DPYD: variants seen among roughly 807,000 people sequenced by gnomAD.
The protein encoded by DPYD is dihydropyrimidine dehydrogenase.
DPYD carries 109 observed loss-of-function variants against 116.2 expected under a neutral mutation model. The observed-to-expected ratio is 0.94, with a 90% CI of 0.80 to 1.10. The LOEUF (loss-of-function observed/expected upper bound fraction) is 1.10. Among genes scored for constraint, DPYD ranks in the 50% least tolerant of loss-of-function variants. DPYD has a pLI of 0.00. For synonymous variants in DPYD, 440 were observed against 432.0 expected (o/e 1.02, Z -0.23); for missense variants, 1,302 against 1,254.5 (o/e 1.04, Z -0.57).
intron 6 of DPYD, among the ~76,000 whole-genome samples, chr1:97,695,733 T>C (rs1225893689): frequency 6.6e-6 from 1 of 151,732 alleles, no homozygotes; most frequent in East Asian, 1.9e-4. Flanking sequence ...AGATTTCAAG[T>C]GGAAGAGTGA....
chr1:97,238,371 T>C (rs563090173), intron 18 of DPYD, among the ~76,000 whole-genome samples: 6 of 152,270 alleles, frequency 3.9e-5, no homozygotes, highest in Admixed American at 2.0e-4. Flanking sequence ...CAAAATATAA[T>C]CTACCTGTTC....
chr1:97,286,180 G>A (rs570396628), intron 18 of DPYD, among the ~76,000 whole-genome samples: 21 of 152,028 alleles, frequency 1.4e-4, no homozygotes, highest in African/African-American at 4.6e-4. Context: ...CACTTATGAA[G>A]CTTAGTTTGG....
chr1:97,810,919 T>C (rs1668320342), intron 3 of DPYD, among the ~76,000 whole-genome samples: 2 of 152,176 alleles, frequency 1.3e-5, no homozygotes, highest in Non-Finnish European at 2.9e-5. Context: ...CCCCTACCTA[T>C]AGCTTCAACC....
At chr1:97,116,270 G>A (rs1474695301) in intron 20 of DPYD, among the ~76,000 whole-genome samples, 1 of 152,064 alleles carries the variant, frequency 6.6e-6, no homozygotes, top group Non-Finnish European at 1.5e-5. Context: ...CCTATTCAAT[G>A]AGCACACCCA....
At chr1:97,180,028 C>T (rs1657543872) in intron 20 of DPYD, among the ~76,000 whole-genome samples, 1 of 152,118 alleles carries the variant, frequency 6.6e-6, no homozygotes, top group Admixed American at 6.6e-5. Flanking sequence ...CCTATCCTTC[C>T]TAAGCTCCCA....
intron 20 of DPYD, among the ~76,000 whole-genome samples, chr1:97,174,000 A>G (rs182769547): frequency 6.6e-6 from 1 of 151,958 alleles, no homozygotes; most frequent in East Asian, 1.9e-4. Flanking sequence ...TTTCAGTTCT[A>G]TAAATGTTAT....
chr1:97,591,864 A>G (rs115637836), intron 10 of DPYD, among the ~76,000 whole-genome samples: 12,811 of 151,848 alleles, frequency 0.084, 753 homozygotes, highest in Middle Eastern at 0.14. Context: ...CCATGATTAC[A>G]CTAATTATTG....
chr1:97,296,116 T>C (rs1666509965), intron 18 of DPYD: 1 of 152,156 alleles, frequency 6.6e-6, no homozygotes, highest in Non-Finnish European at 1.5e-5. Context: ...TACAATAACA[T>C]ATACATAGAA....
intron 3 of DPYD, among the ~76,000 whole-genome samples, chr1:97,743,821 T>C (rs937216019): frequency 1.3e-5 from 2 of 152,138 alleles, no homozygotes; most frequent in African/African-American, 2.4e-5. Flanking sequence ...TTTAGTCATT[T>C]AATTCCCCTT....
intron 6 of DPYD, among the ~76,000 whole-genome samples, chr1:97,693,290 CAAAAAAAAAAAAAA>C (rs201872835): frequency 0.38 from 15,752 of 41,952 alleles, 1,252 homozygotes; most frequent in Middle Eastern, 0.44. Context: ...GACTCCGTCT[CAAAAAAAAAAAAAA>C]AAAAAAAAAA....
chr1:97,192,264 C>A (rs747792810), intron 20 of DPYD, among the ~76,000 whole-genome samples: 2 of 152,090 alleles, frequency 1.3e-5, no homozygotes, highest in African/African-American at 2.4e-5. Flanking sequence ...GTTTTCCATT[C>A]TTTTTCATGT....
intron 21 of DPYD, among the ~76,000 whole-genome samples, chr1:97,088,732 A>T (rs1018859779): frequency 6.6e-6 from 1 of 152,122 alleles, no homozygotes; most frequent in African/African-American, 2.4e-5. Context: ...TCCAGACAAG[A>T]TACACCTTTC....
intron 14 of DPYD, among the ~76,000 whole-genome samples, chr1:97,430,115 G>A (rs1219450688): frequency 6.6e-6 from 1 of 152,060 alleles, no homozygotes; most frequent in African/African-American, 2.4e-5. Context: ...TACGTTTATT[G>A]AGAATGCTAA....
chr1:97,626,075 G>A (rs1656909927), intron 8 of DPYD, among the ~76,000 whole-genome samples: 1 of 152,040 alleles, frequency 6.6e-6, no homozygotes, highest in South Asian at 2.1e-4. Context: ...AGTGAGGTCA[G>A]AGACCACTTC....
chr1:97,789,165 T>C (rs1486159259), intron 3 of DPYD, among the ~76,000 whole-genome samples: 1 of 152,152 alleles, frequency 6.6e-6, no homozygotes, highest in Non-Finnish European at 1.5e-5. Context: ...AGTACCTTCA[T>C]TCAATAATAA....
intron 18 of DPYD, among the ~76,000 whole-genome samples, chr1:97,241,061 A>C (rs79193918): frequency 0.013 from 1,978 of 152,104 alleles, 102 homozygotes; most frequent in Admixed American, 0.1. Flanking sequence ...AAAAGCTAAA[A>C]ATTTCTTCTG....
At chr1:97,515,024 T>G (rs950676266) in intron 13 of DPYD, among the ~76,000 whole-genome samples, 1 of 152,092 alleles carries the variant, frequency 6.6e-6, no homozygotes, top group African/African-American at 2.4e-5. Flanking sequence ...GTTTAGCATT[T>G]GTAATTTATC....
chr1:97,919,159 G>A (rs578163509), intron 1 of DPYD, among the ~76,000 whole-genome samples: 2 of 152,236 alleles, frequency 1.3e-5, no homozygotes, highest in African/African-American at 4.8e-5. Context: ...TTACTTTGAG[G>A]GAAAAGTAAG....
chr1:97,099,382 A>G (rs532298714), intron 20 of DPYD, among the ~76,000 whole-genome samples: 26 of 152,238 alleles, frequency 1.7e-4, no homozygotes, highest in Non-Finnish European at 2.5e-4. Flanking sequence ...TACAAAGTTC[A>G]TTTAGAAAGA....
Sources: allele counts gnomAD v4.1 joint callset (sites outside exome capture counted in the v4.1 genomes callset), GRCh38; gene constraint gnomAD v4.1.1; transcripts MANE v1.5; gene names NCBI Gene and HGNC (gene_info 2026-07-23, HGNC 2026-07-21).